Variants in MAGI2 observed in about 807,000 individuals in gnomAD.
MAGI2 encodes the protein membrane associated guanylate kinase, WW and PDZ domain containing 2, also known as membrane-associated guanylate kinase, WW and PDZ domain-containing protein 2.
In MAGI2, 35 loss-of-function variants were observed where a neutral mutation model predicts 133.3. The observed-to-expected ratio is 0.26, with a 90% CI of 0.20 to 0.35. The LOEUF is 0.35. MAGI2 is among the 10% of genes least tolerant of loss of function. The pLI, the probability that MAGI2 is intolerant of heterozygous loss-of-function variation, is 1.00. For missense variants in MAGI2, 1,636 were observed against 1,863.4 expected (o/e 0.88, Z 2.25); for synonymous variants, 729 against 710.6 (o/e 1.03, Z -0.41).
chr7:79,155,727 G>A (rs913294750), intron 1 of MAGI2, among the ~76,000 whole-genome samples: 3 of 152,062 alleles, frequency 2.0e-5, no homozygotes, highest in Non-Finnish European at 2.9e-5. Context: ...CTAAAAGAAG[G>A]CCAATGCCAA....
intron 2 of MAGI2, among the ~76,000 whole-genome samples, chr7:78,698,538 G>T (rs566641099): frequency 6.6e-6 from 1 of 152,106 alleles, no homozygotes; most frequent in South Asian, 2.1e-4. Context: ...GTGTCGGTAC[G>T]TTTAAGAAAA....
chr7:78,175,360 G>C (rs370736258), intron 14 of MAGI2, among the ~76,000 whole-genome samples: 57 of 152,262 alleles, frequency 3.7e-4, no homozygotes, highest in South Asian at 2.3e-3. Flanking sequence ...CTCCAGGGTA[G>C]AAAACCCACA....
At chr7:78,883,471 T>C (rs1796034149) in intron 2 of MAGI2, among the ~76,000 whole-genome samples, 1 of 152,196 alleles carries the variant, frequency 6.6e-6, no homozygotes, top group African/African-American at 2.4e-5. Context: ...TTCAATGCTA[T>C]TCCTTTCAAA....
chr7:79,423,414 C>A (rs1847117594), intron 1 of MAGI2, among the ~76,000 whole-genome samples: 1 of 151,864 alleles, frequency 6.6e-6, no homozygotes, highest in South Asian at 2.1e-4. Context: ...TGATGAAATA[C>A]ATATTATACA....
intron 3 of MAGI2, among the ~76,000 whole-genome samples, chr7:78,549,243 C>T (rs1799131949): frequency 6.6e-6 from 1 of 152,024 alleles, no homozygotes; most frequent in Admixed American, 6.6e-5. Context: ...CTATTCCCAG[C>T]TAGGCTATGG....
intron 1 of MAGI2, among the ~76,000 whole-genome samples, chr7:79,258,934 A>T (rs527587574): frequency 6.6e-6 from 1 of 152,368 alleles, no homozygotes; most frequent in South Asian, 2.1e-4. Flanking sequence ...GCTCTTAACG[A>T]TTATGCAGGA....
intron 3 of MAGI2, among the ~76,000 whole-genome samples, chr7:78,552,383 A>T (rs1272473231): frequency 6.6e-6 from 1 of 151,812 alleles, no homozygotes; most frequent in Admixed American, 6.6e-5. Flanking sequence ...GGGTTTCACC[A>T]TGTTGGTCAG....
chr7:78,567,399 C>CT (rs1040271577), intron 3 of MAGI2, among the ~76,000 whole-genome samples: 2 of 151,654 alleles, frequency 1.3e-5, no homozygotes, highest in Non-Finnish European at 1.5e-5. Context: ...ACACTACACA[C>CT]ACACACACAC....
chr7:78,202,793 A>G (rs112303564), intron 10 of MAGI2, among the ~76,000 whole-genome samples: 2,230 of 152,060 alleles, frequency 0.015, 55 homozygotes, highest in African/African-American at 0.044. Flanking sequence ...CATCTTACCC[A>G]AGAAGTTGGT....
At chr7:79,134,655 A>C (rs1442743708) in intron 1 of MAGI2, among the ~76,000 whole-genome samples, 4 of 152,248 alleles carry the variant, frequency 2.6e-5, no homozygotes, top group African/African-American at 9.6e-5. Flanking sequence ...ACCAAATTGA[A>C]AATAACCAAT....
intron 20 of MAGI2, among the ~76,000 whole-genome samples, chr7:78,093,128 T>A (rs1313437824): frequency 4.5e-5 from 4 of 88,974 alleles, no homozygotes; most frequent in Non-Finnish European, 8.0e-5. Context: ...AGAGCGGGAC[T>A]CCTTCTCCAA....
chr7:78,488,953 A>T (rs1272383756), intron 6 of MAGI2, among the ~76,000 whole-genome samples: 1 of 152,086 alleles, frequency 6.6e-6, no homozygotes, highest in African/African-American at 2.4e-5. Flanking sequence ...CAGTGACAGA[A>T]ACCTCTGAAC....
intron 6 of MAGI2, among the ~76,000 whole-genome samples, chr7:78,418,721 CA>C (rs952152129): frequency 6.6e-6 from 1 of 152,036 alleles, no homozygotes; most frequent in Admixed American, 6.6e-5. Flanking sequence ...TGTTTGATGG[CA>C]AAGTCAGTTT....
intron 6 of MAGI2, among the ~76,000 whole-genome samples, chr7:78,461,741 G>A (rs780831586): frequency 1.3e-5 from 2 of 151,146 alleles, no homozygotes; most frequent in African/African-American, 2.4e-5. Context: ...GAGAAACCCC[G>A]TCTCTACTAA....
chr7:78,083,623 C>T (rs1816300744), intron 20 of MAGI2, among the ~76,000 whole-genome samples: 1 of 152,150 alleles, frequency 6.6e-6, no homozygotes, highest in Non-Finnish European at 1.5e-5. Flanking sequence ...CAACTAACAA[C>T]CTTAGAGTAA....
chr7:79,102,440 A>C (rs936258872), intron 1 of MAGI2, among the ~76,000 whole-genome samples: 1 of 152,074 alleles, frequency 6.6e-6, no homozygotes, highest in East Asian at 1.9e-4. Flanking sequence ...CTTTCCTTCC[A>C]TCTCTTTCTT....
chr7:78,019,779 C>G lies in MAGI2; in HGVS notation c.3904G>C (p.Ala1302Pro). 1 of 1,613,020 alleles carries G rather than the reference C, an allele frequency of 6.2e-7. No individual in the cohort carries two copies. Among genetic ancestry groups the G allele is most frequent in the Non-Finnish European group, 8.5e-7 (1 of 1,179,850 alleles). Residue 1302 changes from alanine to proline, a missense_variant, in exon 22 of 22, where the codon GCC becomes CCC. Around this residue, in one of 5 missense-constraint regions of MAGI2, gnomAD observed 354 missense variants for 298.7 expected, o/e 1.19. Transcript: ENST00000354212. ...AGGCGCTGCTTCTTCTGGCCGCAGG[C>G]TGAAAGCTCCTTTGGTTTCCTAACG... ...HDVRKPKELS[A>P]CGQKKQRLGE...
chr7:79,231,963 G>T lies in MAGI2; in HGVS notation c.301+221057C>A, dbSNP rs574850231. Reference sequence around the variant, plus strand: ...GACAGCTCTTATTATTTTGAGATACGTCCCATCGATACCTAATTTATTGAG... The same window carrying T: ...GACAGCTCTTATTATTTTGAGATACTTCCCATCGATACCTAATTTATTGAG... On this transcript the variant is annotated intron_variant, in intron 1 of 21. Transcript: ENST00000354212. Among the ~76,000 whole-genome samples, 162 of 152,250 alleles carry T rather than the reference G, an allele frequency of 1.1e-3. 1 individual carries two copies. Among genetic ancestry groups the T allele is most frequent in the Non-Finnish European group, 1.8e-3 (121 of 68,026 alleles).
At chr7:78,985,781 A>G (rs1805201863) in intron 2 of MAGI2, among the ~76,000 whole-genome samples, 1 of 152,062 alleles carries the variant, frequency 6.6e-6, no homozygotes. Context: ...GACCCAAATA[A>G]AATATTCATC....
Sources: gnomAD v4.1 joint callset for allele counts (sites outside exome capture counted in the v4.1 genomes callset) on GRCh38, gnomAD v4.1.1 for gene constraint, gnomAD v4.1.1 regional missense constraint, MANE v1.5 for transcripts, NCBI Gene and HGNC (gene_info 2026-07-23, HGNC 2026-07-21) for gene names.